MRTFA: variants seen among roughly 807,000 people sequenced by gnomAD.
MRTFA encodes myocardin-related transcription factor A.
MRTFA carries 20 observed loss-of-function variants against 83.5 expected under a neutral mutation model. The observed-to-expected ratio is 0.24, with a 90% confidence interval of 0.17 to 0.35. MRTFA has a LOEUF of 0.35. Among genes scored for constraint, MRTFA ranks in the 10% least tolerant of loss-of-function variants. The pLI is 1.00. For synonymous variants in MRTFA, 659 were observed against 541.2 expected (o/e 1.22, Z -3.02); for missense variants, 1,200 against 1,224.7 (o/e 0.98, Z 0.30).
intron 2 of MRTFA, among the ~76,000 whole-genome samples, chr22:40,588,404 C>T (rs1267750928): frequency 2.0e-5 from 3 of 152,154 alleles, no homozygotes; most frequent in Non-Finnish European, 4.4e-5. Flanking sequence ...ACAACAGTGA[C>T]GCTATTGGCA....
intron 2 of MRTFA, among the ~76,000 whole-genome samples, chr22:40,577,229 C>T (rs980742951): frequency 4.5e-5 from 6 of 133,618 alleles, no homozygotes; most frequent in African/African-American, 1.7e-4. Flanking sequence ...GAGTAAGACC[C>T]TTGTCTAAAA....
At chr22:40,555,523 C>T (rs2055507578) in intron 2 of MRTFA, among the ~76,000 whole-genome samples, 15 of 152,046 alleles carry the variant, frequency 9.9e-5, no homozygotes, top group Admixed American at 9.8e-4. Flanking sequence ...TCCTTGATGG[C>T]ACCATCCTTG....
intron 6 of MRTFA, among the ~76,000 whole-genome samples, chr22:40,430,786 G>A (rs1197851398): frequency 7.2e-6 from 1 of 139,616 alleles, no homozygotes; most frequent in Non-Finnish European, 1.5e-5. Context: ...CTTGAACCTG[G>A]AAGATAAGAG....
chr22:40,532,855 AAC>A (rs1429607403), intron 3 of MRTFA, among the ~76,000 whole-genome samples: 3 of 152,212 alleles, frequency 2.0e-5, no homozygotes, highest in Non-Finnish European at 4.4e-5. Flanking sequence ...GAAACAAGAA[AAC>A]ACTACAGATT....
chr22:40,452,290 CTT>C (rs1450138434), intron 4 of MRTFA, among the ~76,000 whole-genome samples: 1 of 152,054 alleles, frequency 6.6e-6, no homozygotes, highest in Non-Finnish European at 1.5e-5. Context: ...GGCCTGAAGA[CTT>C]TTAAATCACC....
intron 3 of MRTFA, among the ~76,000 whole-genome samples, chr22:40,547,772 T>G (rs1018128416): frequency 6.6e-5 from 10 of 150,840 alleles, no homozygotes; most frequent in Non-Finnish European, 1.0e-4. Context: ...GAGAATCACT[T>G]GAACCCTGGA....
At chr22:40,488,669 T>C (rs1006451837) in intron 3 of MRTFA, among the ~76,000 whole-genome samples, 2 of 151,986 alleles carry the variant, frequency 1.3e-5, no homozygotes, top group Non-Finnish European at 2.9e-5. Context: ...CTGTCTCTAC[T>C]AAAAATACGA....
chr22:40,578,784 G>A (rs1021364243), intron 2 of MRTFA, among the ~76,000 whole-genome samples: 3 of 152,074 alleles, frequency 2.0e-5, no homozygotes, highest in African/African-American at 4.8e-5. Flanking sequence ...TTAGCTAGGT[G>A]TGGTGGCACA....
chr22:40,585,754 G>A (rs2056018858), intron 2 of MRTFA, among the ~76,000 whole-genome samples: 1 of 152,186 alleles, frequency 6.6e-6, no homozygotes, highest in African/African-American at 2.4e-5. Flanking sequence ...GGAGAGAGAT[G>A]AAGGTGGCTT....
At chr22:40,607,402 G>A (rs920792659) in intron 1 of MRTFA, among the ~76,000 whole-genome samples, 1 of 152,008 alleles carries the variant, frequency 6.6e-6, no homozygotes, top group Admixed American at 6.6e-5. Context: ...TACACGGGAG[G>A]CTGAGGCAGG....
rs558523575 is a variant in MRTFA at position 40,611,429 on chromosome 22, G to C, written c.-83-16694C>G. 2.6e-4 allele frequency among the ~76,000 whole-genome samples: 40 copies of C among 151,430 alleles called. No homozygotes were observed. The South Asian group carries it at 7.9e-3, about 30-fold the overall frequency. On this transcript the variant is annotated intron_variant, in intron 1 of 14. Transcript: ENST00000355630. ...TTTTTTTTTAATTAAATTTTTTGTA[G>C]AGACATGGTCTTACTGTGTTGCCCA...
chr22:40,604,822 T>C (rs1490172007), intron 1 of MRTFA, among the ~76,000 whole-genome samples: 1 of 152,158 alleles, frequency 6.6e-6, no homozygotes, highest in Non-Finnish European at 1.5e-5. Flanking sequence ...ACGATCACCA[T>C]GTGCTGACTT....
At chr22:40,583,497 G>T (rs1041389100) in intron 2 of MRTFA, among the ~76,000 whole-genome samples, 3 of 152,188 alleles carry the variant, frequency 2.0e-5, no homozygotes, top group African/African-American at 7.2e-5. Context: ...TTCAAGGAAA[G>T]CACAGTAAAG....
At chr22:40,626,652 T>C (rs539689942) in intron 1 of MRTFA, among the ~76,000 whole-genome samples, 7 of 152,198 alleles carry the variant, frequency 4.6e-5, no homozygotes, top group Admixed American at 1.3e-4. Context: ...CACATATATA[T>C]GGCAAACTCA....
intron 3 of MRTFA, among the ~76,000 whole-genome samples, chr22:40,524,232 C>G (rs5757983): frequency 0.59 from 89,153 of 151,894 alleles, 26,823 homozygotes; most frequent in East Asian, 0.89. Context: ...GGAGGTCCAG[C>G]CTGCAATGAG....
chr22:40,419,943 T>G (rs2052792878), intron 11 of MRTFA, among the ~76,000 whole-genome samples: 1 of 152,166 alleles, frequency 6.6e-6, no homozygotes, highest in Non-Finnish European at 1.5e-5. Context: ...CAGAGTGAGC[T>G]CTGCATTAAC....
chr22:40,411,766 G>A lies in MRTFA; in HGVS notation c.2720C>T (p.Ser907Leu), dbSNP rs1178986175. ...CTCCAGGCGTCCAGGGAGGGAGGGTGAGCCTGGAGGAGGTGGGGCAGCCTG... is the reference window on the plus strand; with the variant it reads ...CTCCAGGCGTCCAGGGAGGGAGGGTAAGCCTGGAGGAGGTGGGGCAGCCTG... Residue 907 changes from serine to leucine, a missense_variant, in exon 15 of 15, where the codon TCA becomes TTA. Physicochemically the swap from Ser to Leu is moderately radical, Grantham distance 145 (BLOSUM62 -2). This residue lies in a region of MRTFA where 1,107 missense variants were observed against 1,041.8 expected (regional missense o/e 1.06). Transcript: ENST00000355630. 1.3e-6 allele frequency: 2 copies of A among 1,535,624 alleles called. No individual in the cohort carries two copies. Among genetic ancestry groups the A allele is most frequent in the East Asian group, 4.6e-5 (2 of 43,724 alleles).
intron 2 of MRTFA, chr22:40,587,088 T>C (rs147781864): frequency 2.2e-4 from 101 of 452,410 alleles, no homozygotes; most frequent in African/African-American, 1.8e-3. Flanking sequence ...GACTCTACGA[T>C]GAATCTTCCT....
At chr22:40,435,004 G>A (rs1056502537) in intron 5 of MRTFA, among the ~76,000 whole-genome samples, 2 of 152,108 alleles carry the variant, frequency 1.3e-5, no homozygotes, top group Admixed American at 6.5e-5. Flanking sequence ...CTTTCCACAA[G>A]AGTCAAGTGG....
Sources: gnomAD v4.1 joint callset for allele counts (sites outside exome capture counted in the v4.1 genomes callset) on GRCh38, gnomAD v4.1.1 for gene constraint, gnomAD v4.1.1 regional missense constraint, MANE v1.5 for transcripts, NCBI Gene and HGNC (gene_info 2026-07-23, HGNC 2026-07-21) for gene names.